Variants in RGS8 observed in about 807,000 individuals in gnomAD.
RGS8 encodes the protein regulator of G protein signaling 8.
In RGS8, 8 loss-of-function variants were observed where a neutral mutation model predicts 21.7. The observed-to-expected ratio is 0.37, with a 90% confidence interval of 0.22 to 0.66. The LOEUF is 0.66. Among genes scored for constraint, RGS8 ranks in the 30% least tolerant of loss-of-function variants. The pLI, the probability that RGS8 is intolerant of heterozygous loss-of-function variation, is 0.59. For synonymous variants in RGS8, 80 were observed against 83.6 expected (o/e 0.96, Z 0.24); for missense variants, 157 against 217.9 (o/e 0.72, Z 1.76).
chr1:182,729,343 T>C, the RGS8 span, among the ~76,000 whole-genome samples: 1 of 152,242 alleles, frequency 6.6e-6, no homozygotes, highest in African/African-American at 2.4e-5. Context: ...CTTCTGCCCA[T>C]ATTTATCCAA....
chr1:182,670,678 T>C, intron 2 of RGS8, among the ~76,000 whole-genome samples: 1 of 152,220 alleles, frequency 6.6e-6, no homozygotes, highest in Non-Finnish European at 1.5e-5. Flanking sequence ...ATTTTTATAT[T>C]ACCGCGACTA....
intron 1 of RGS8, among the ~76,000 whole-genome samples, chr1:182,679,153 TA>T (rs1004601807): frequency 6.6e-6 from 1 of 152,126 alleles, no homozygotes; most frequent in African/African-American, 2.4e-5. Flanking sequence ...CTCTTTTATT[TA>T]AAAAAATTCC....
chr1:182,677,383 T>G (rs1321562276), upstream of RGS8, among the ~76,000 whole-genome samples: 2 of 152,224 alleles, frequency 1.3e-5, no homozygotes, highest in Non-Finnish European at 2.9e-5. Context: ...TTCGTAGTCT[T>G]TTCAACTATA....
At chr1:182,733,402 G>T in the RGS8 span, among the ~76,000 whole-genome samples, 1 of 152,210 alleles carries the variant, frequency 6.6e-6, no homozygotes, top group Non-Finnish European at 1.5e-5. Context: ...TTTACTGGTT[G>T]ACTGCTAGAA....
At chr1:182,747,321 C>G in the RGS8 span, among the ~76,000 whole-genome samples, 8,694 of 151,866 alleles carry the variant, frequency 0.057, 373 homozygotes, top group Non-Finnish European at 0.084. Flanking sequence ...CTTCTTTTAT[C>G]CATTTAATTT....
At chr1:182,646,635 G>A in exon 7 of RGS8, 1 of 1,090,894 alleles carries the variant, frequency 9.2e-7, no homozygotes, top group Non-Finnish European at 1.3e-6. Context: ...CACCCCCAAT[G>A]CCACCGCTTT....
chr1:182,740,548 G>GTTT, the RGS8 span, among the ~76,000 whole-genome samples: 29 of 75,974 alleles, frequency 3.8e-4, no homozygotes, highest in East Asian at 1.1e-3. Context: ...TTGTTTGTTT[G>GTTT]TTTTTTTTTT....
At chr1:182,706,746 A>G in the RGS8 span, among the ~76,000 whole-genome samples, 7 of 151,794 alleles carry the variant, frequency 4.6e-5, no homozygotes, top group South Asian at 1.5e-3. Context: ...GATTACAGGC[A>G]TGAGCCACCA....
the RGS8 span, among the ~76,000 whole-genome samples, chr1:182,695,315 C>T: frequency 6.6e-6 from 1 of 152,130 alleles, no homozygotes; most frequent in Admixed American, 6.5e-5. Flanking sequence ...TTCGGTGCCA[C>T]AAAAAATGGA....
chr1:182,647,474 A>G (rs1662756967), intron 6 of RGS8, among the ~76,000 whole-genome samples: 1 of 152,240 alleles, frequency 6.6e-6, no homozygotes, highest in Non-Finnish European at 1.5e-5. Flanking sequence ...AAGGAATCTA[A>G]AAATGCAATG....
At chr1:182,747,043 C>CTTTTTTTTTTTTTTTT in the RGS8 span, among the ~76,000 whole-genome samples, 219 of 21,050 alleles carry the variant, frequency 0.01, 92 homozygotes, top group Non-Finnish European at 0.016. Flanking sequence ...CACTGCTGGT[C>CTTTTTTTTTTTTTTTT]TTTTTTTTTT....
the RGS8 span, among the ~76,000 whole-genome samples, chr1:182,707,963 C>T: frequency 2.0e-5 from 3 of 152,166 alleles, no homozygotes; most frequent in African/African-American, 7.2e-5. Flanking sequence ...GCCTCGGCCT[C>T]CCAAAGTGCT....
chr1:182,699,464 C>T, the RGS8 span, among the ~76,000 whole-genome samples: 1 of 152,374 alleles, frequency 6.6e-6, no homozygotes, highest in East Asian at 1.9e-4. Flanking sequence ...CCAAGGAAAG[C>T]AGGCCCAAGG....
chr1:182,704,831 GCTTA>G, the RGS8 span, among the ~76,000 whole-genome samples: 1 of 152,144 alleles, frequency 6.6e-6, no homozygotes, highest in East Asian at 1.9e-4. Flanking sequence ...CTCCAGCCAG[GCTTA>G]CCCAGGGCCA....
At chr1:182,705,173 C>A in the RGS8 span, among the ~76,000 whole-genome samples, 1 of 152,072 alleles carries the variant, frequency 6.6e-6, no homozygotes, top group Non-Finnish European at 1.5e-5. Context: ...GCTGAGAAGT[C>A]CCAGAGTCTG....
At chr1:182,651,926 G>A (rs1332937379) in intron 5 of RGS8, among the ~76,000 whole-genome samples, 1 of 152,254 alleles carries the variant, frequency 6.6e-6, no homozygotes, top group Non-Finnish European at 1.5e-5. Flanking sequence ...GGGACTCTGA[G>A]CAGTGACCAG....
At chr1:182,733,875 GTTATTTAT>G in the RGS8 span, 8,584 of 149,490 alleles carry the variant, frequency 0.057, 286 homozygotes, top group Middle Eastern at 0.083. Flanking sequence ...TAGATACCAA[GTTATTTAT>G]TTATTTATTT....
chr1:182,706,353 G>A, the RGS8 span, among the ~76,000 whole-genome samples: 14 of 152,222 alleles, frequency 9.2e-5, no homozygotes, highest in African/African-American at 3.4e-4. Flanking sequence ...GCTGCTGATC[G>A]TGCCACCTGC....
chr1:182,712,520 G>A, the RGS8 span, among the ~76,000 whole-genome samples: 2 of 152,162 alleles, frequency 1.3e-5, no homozygotes, highest in Admixed American at 6.5e-5. Flanking sequence ...ACATAAAAAT[G>A]TCTCTGGCTT....
Sources: gnomAD v4.1 joint callset for allele counts (sites outside exome capture counted in the v4.1 genomes callset) on GRCh38, gnomAD v4.1.1 for gene constraint, MANE v1.5 for transcripts, NCBI Gene and HGNC (gene_info 2026-07-23, HGNC 2026-07-21) for gene names.